PCDH15: variants seen among roughly 807,000 people sequenced by gnomAD.
PCDH15 encodes protocadherin related 15, also known as protocadherin-15.
PCDH15 carries 129 observed loss-of-function variants against 178.5 expected under a neutral mutation model. The ratio of observed to expected loss-of-function variants is 0.72; its 90% CI spans 0.63 to 0.84. PCDH15 has a LOEUF of 0.84. Ranked by LOEUF, PCDH15 falls within the 40% of genes least tolerant of loss-of-function variation. The pLI is 0.00. For missense variants in PCDH15, 2,230 were observed against 2,099.9 expected (o/e 1.06, Z -1.21); for synonymous variants, 800 against 732.0 (o/e 1.09, Z -1.50).
intron 2 of PCDH15, among the ~76,000 whole-genome samples, chr10:55,003,971 C>G (rs540164352): frequency 4.6e-4 from 70 of 152,272 alleles, no homozygotes; most frequent in Admixed American, 9.8e-4. Flanking sequence ...CTCGGGAGGC[C>G]TTTGGAGGCC....
chr10:54,246,227 T>C (rs2055908952), intron 8 of PCDH15, among the ~76,000 whole-genome samples: 1 of 151,964 alleles, frequency 6.6e-6, no homozygotes, highest in Non-Finnish European at 1.5e-5. Flanking sequence ...TGACAAATTA[T>C]TACAAAGTTA....
chr10:54,264,970 A>G (rs1263401545), intron 8 of PCDH15, among the ~76,000 whole-genome samples: 1 of 152,140 alleles, frequency 6.6e-6, no homozygotes, highest in Non-Finnish European at 1.5e-5. Flanking sequence ...AGACTATCCA[A>G]GGTTAACACA....
chr10:55,459,723 A>G (rs1320797446), intron 2 of PCDH15, among the ~76,000 whole-genome samples: 1 of 152,090 alleles, frequency 6.6e-6, no homozygotes, highest in Non-Finnish European at 1.5e-5. Context: ...ACTGGCTAAG[A>G]GAGAGGAAAA....
intron 25 of PCDH15, among the ~76,000 whole-genome samples, chr10:53,926,902 G>A (rs762663908): frequency 1.3e-5 from 2 of 151,980 alleles, no homozygotes; most frequent in Non-Finnish European, 2.9e-5. Context: ...TCTTTAAAGC[G>A]CTAATCTCAC....
At chr10:54,716,704 A>G (rs1566020750) in intron 1 of PCDH15, among the ~76,000 whole-genome samples, 1 of 152,046 alleles carries the variant, frequency 6.6e-6, no homozygotes, top group South Asian at 2.1e-4. Context: ...TCATAGATTC[A>G]ATGCCATCCC....
At chr10:54,760,455 A>T (rs1038973398) in intron 1 of PCDH15, among the ~76,000 whole-genome samples, 3 of 152,194 alleles carry the variant, frequency 2.0e-5, no homozygotes, top group African/African-American at 7.2e-5. Flanking sequence ...TAATGTGTTA[A>T]CACTTTGGAT....
intron 2 of PCDH15, among the ~76,000 whole-genome samples, chr10:55,452,369 C>CTAGA (rs901467500): frequency 6.6e-6 from 1 of 152,020 alleles, no homozygotes; most frequent in African/African-American, 2.4e-5. Context: ...TAATAGGACC[C>CTAGA]TAGAGGGCAG....
At chr10:53,981,511 G>A (rs1158199527) in intron 21 of PCDH15, among the ~76,000 whole-genome samples, 6 of 151,960 alleles carry the variant, frequency 3.9e-5, no homozygotes, top group African/African-American at 9.7e-5. Context: ...CAGAAATAAC[G>A]CCACATATCT....
intron 2 of PCDH15, among the ~76,000 whole-genome samples, chr10:54,619,720 A>C (rs111821766): frequency 3.8e-4 from 58 of 152,186 alleles, no homozygotes; most frequent in African/African-American, 1.4e-3. Context: ...CAAAATTATC[A>C]TCTTTAATTT....
chr10:55,593,042 C>T (rs1305283813), intron 2 of PCDH15, among the ~76,000 whole-genome samples: 1 of 151,844 alleles, frequency 6.6e-6, no homozygotes, highest in African/African-American at 2.4e-5. Context: ...TCATTGTAAC[C>T]TTTCTTTAGA....
At chr10:55,322,052 C>T (rs944046532), upstream of PCDH15, among the ~76,000 whole-genome samples, 2 of 152,140 alleles carry the variant, frequency 1.3e-5, no homozygotes, top group Non-Finnish European at 1.5e-5. Context: ...AGTCTCACCT[C>T]GAATTGTAAT....
At chr10:53,963,375 T>G (rs1429006857) in intron 21 of PCDH15, among the ~76,000 whole-genome samples, 1 of 152,124 alleles carries the variant, frequency 6.6e-6, no homozygotes, top group African/African-American at 2.4e-5. Context: ...TCCCATCTGG[T>G]GCTCTGTCTC....
At chr10:55,136,139 A>C (rs1049782807) in intron 2 of PCDH15, among the ~76,000 whole-genome samples, 2 of 152,292 alleles carry the variant, frequency 1.3e-5, no homozygotes, top group Non-Finnish European at 2.9e-5. Flanking sequence ...GTTAGAGCAC[A>C]AAGGCATTTA....
rs10128227 is a variant in PCDH15 at position 54,557,309 on chromosome 10, T to C, written c.92-29432A>G. 5.0e-3 allele frequency among the ~76,000 whole-genome samples: 757 copies of C among 152,290 alleles called. 6 individuals carry two copies. The highest frequency in any genetic ancestry group is 0.017 in the African/African-American group (707 of 41,574). ...GTTAGGTTTGCAAAACAAAAGTCTA[T>C]TGGGTGTGGCCAACAAATTATACCA... On this transcript the variant is annotated intron_variant, in intron 2 of 37. Transcript: ENST00000644397.
At chr10:55,389,917 A>G (rs1260515374) in intron 2 of PCDH15, among the ~76,000 whole-genome samples, 1 of 152,184 alleles carries the variant, frequency 6.6e-6, no homozygotes, top group Non-Finnish European at 1.5e-5. Context: ...TTGTTTCAAT[A>G]GTAAAATTTT....
chr10:54,387,026 T>C (rs928930520), intron 3 of PCDH15, among the ~76,000 whole-genome samples: 4 of 152,150 alleles, frequency 2.6e-5, no homozygotes, highest in Admixed American at 2.6e-4. Flanking sequence ...AGTGAGGTAA[T>C]ACATATGTTA....
At chr10:54,610,780 G>A (rs1014584919) in intron 2 of PCDH15, among the ~76,000 whole-genome samples, 3 of 151,792 alleles carry the variant, frequency 2.0e-5, no homozygotes, top group African/African-American at 7.2e-5. Context: ...AGATAAGTTG[G>A]TTTAAAGAGA....
chr10:54,646,424 T>C (rs925360704), intron 2 of PCDH15, among the ~76,000 whole-genome samples: 1 of 152,078 alleles, frequency 6.6e-6, no homozygotes, highest in African/African-American at 2.4e-5. Context: ...TCCCCAGAAC[T>C]TAGCACAAAA....
chr10:53,932,128 C>G (rs1413788111), intron 25 of PCDH15, among the ~76,000 whole-genome samples: 1 of 152,186 alleles, frequency 6.6e-6, no homozygotes, highest in Admixed American at 6.5e-5. Context: ...GTATGCTTTT[C>G]TTCAGCAACT....
Sources: gnomAD v4.1 joint callset for allele counts (sites outside exome capture counted in the v4.1 genomes callset) on GRCh38, gnomAD v4.1.1 for gene constraint, MANE v1.5 for transcripts, NCBI Gene and HGNC (gene_info 2026-07-23, HGNC 2026-07-21) for gene names.